The following AKAP6 variants were observed in gnomAD, a reference collection of about 807,000 sequenced individuals.
The protein encoded by AKAP6 is A-kinase anchor protein 6.
In AKAP6, 58 loss-of-function variants were observed where a neutral mutation model predicts 188.5. The ratio of observed to expected loss-of-function variants is 0.31; its 90% CI spans 0.25 to 0.38. AKAP6 has a LOEUF of 0.38. Ranked by LOEUF, AKAP6 falls within the 10% of genes least tolerant of loss-of-function variation. AKAP6 has a pLI of 1.00. For synonymous variants in AKAP6, 989 were observed against 998.6 expected, an observed-to-expected ratio of 0.99 and a Z score of 0.18; for missense variants, 2,710 against 2,740.0, an observed-to-expected ratio of 0.99 and a Z score of 0.24.
intron 4 of AKAP6, among the ~76,000 whole-genome samples, chr14:32,576,123 C>T (rs942169575): frequency 7.9e-5 from 12 of 152,078 alleles, no homozygotes; most frequent in Non-Finnish European, 1.6e-4. Flanking sequence ...TACCTCTTTC[C>T]ACTTCAGTGT....
intron 1 of AKAP6, among the ~76,000 whole-genome samples, chr14:32,398,843 T>TA (rs1888973849): frequency 1.7e-5 from 2 of 120,400 alleles, no homozygotes; most frequent in Admixed American, 8.9e-5. Flanking sequence ...TCTTTCTTCC[T>TA]GTTTTTTTTT....
chr14:32,550,340 G>T (rs757299912), intron 4 of AKAP6, among the ~76,000 whole-genome samples: 9 of 152,168 alleles, frequency 5.9e-5, no homozygotes, highest in Non-Finnish European at 8.8e-5. Flanking sequence ...CTTTTAAGAA[G>T]AAATGGTTTA....
At chr14:32,699,792 A>G (rs1033872538) in intron 9 of AKAP6, among the ~76,000 whole-genome samples, 1 of 151,914 alleles carries the variant, frequency 6.6e-6, no homozygotes, top group Non-Finnish European at 1.5e-5. Flanking sequence ...ATTTGCACCC[A>G]CTCTCTCACT....
chr14:32,741,018 CTTTTTT>C (rs765988445), intron 11 of AKAP6, among the ~76,000 whole-genome samples: 1 of 136,748 alleles, frequency 7.3e-6, no homozygotes, highest in Admixed American at 7.2e-5. Flanking sequence ...TTCCTTTTTT[CTTTTTT>C]TTTTTTTGTG....
chr14:32,835,118 C>T lies in AKAP6; in HGVS notation c.*5313C>T, dbSNP rs1484948069. 1 of 152,162 alleles carries T rather than the reference C, an allele frequency of 6.6e-6. No homozygotes were observed. The highest frequency in any genetic ancestry group is 1.5e-5 in the Non-Finnish European group (1 of 68,022). The allele number at this position is 152,162 out of a possible 1,614,324, so 9.4% of individuals were successfully genotyped here. A position where few individuals can be genotyped will look rare whatever the true frequency, so the allele number is the denominator to read the frequency against. On this transcript the variant is annotated 3_prime_UTR_variant, in exon 14 of 14. Coordinates refer to ENST00000280979, the MANE Select transcript of AKAP6 (RefSeq NM_004274.5). The stretch of plus-strand genomic sequence containing the variant: ...CGTACTTGCAACAAAAGCCATATGG[C>T]CTGCAAAACCTAAAACATTTACTAT...
At chr14:32,714,494 C>A (rs867486111) in intron 9 of AKAP6, among the ~76,000 whole-genome samples, 1 of 151,902 alleles carries the variant, frequency 6.6e-6, no homozygotes, top group Non-Finnish European at 1.5e-5. Context: ...GCTTTTGGTT[C>A]ATTTCAGACC....
rs765006220 is a variant in AKAP6, at chr14:32,824,050, C to G, written c.6237C>G (p.Asn2079Lys). The G allele has an allele frequency of 6.2e-7, 1 of 1,613,870 alleles. No homozygotes were observed. The highest frequency in any genetic ancestry group is 1.7e-5 in the Admixed American group (1 of 59,926). Residue 2079 changes from asparagine to lysine, a missense_variant, in exon 13 of 14, where the codon AAC (asparagine) becomes AAG (lysine). Asn to Lys is a moderately conservative substitution (Grantham distance 94, BLOSUM62 0). This residue lies in a region of AKAP6 where 2,473 missense variants were observed against 2,426.1 expected (regional missense o/e 1.02). Coordinates refer to ENST00000280979, the MANE Select transcript of AKAP6 (RefSeq NM_004274.5). ...TALKSKSQPENEVAAPTSLTQ... is the reference protein window; with the variant it reads ...TALKSKSQPEKEVAAPTSLTQ... ...TAAAAAGTAAATCTCAACCTGAAAA[C>G]GAGGTGGCTGCTCCTACTTCATTAA...
At chr14:32,790,046 A>G (rs897672033) in intron 12 of AKAP6, among the ~76,000 whole-genome samples, 30 of 152,260 alleles carry the variant, frequency 2.0e-4, no homozygotes, top group Admixed American at 1.3e-4. Context: ...ATGGAGCTGA[A>G]AAACACAACA....
At chr14:32,756,292 G>A (rs1453732520) in intron 11 of AKAP6, among the ~76,000 whole-genome samples, 1 of 152,184 alleles carries the variant, frequency 6.6e-6, no homozygotes, top group African/African-American at 2.4e-5. Context: ...GTGGGGGCTG[G>A]CCTAACACTG....
rs1253400091 is a variant in AKAP6, at chr14:32,508,233, T to C, written c.325-27321T>C. Among the ~76,000 whole-genome samples the C allele has an allele frequency of 2.0e-5, 3 of 152,158 alleles. No individual in the cohort carries two copies. The East Asian group carries it at 5.8e-4, about 29-fold the overall frequency. ...ATAATGAAAGAGGGAATTCATCACA[T>C]AGTGAAAGAGGTAATTATTGGTATT... On this transcript the variant is annotated intron_variant, in intron 2 of 13. Transcript: ENST00000280979.
chr14:32,732,545 C>A lies in AKAP6; in HGVS notation c.3092C>A (p.Pro1031Gln), dbSNP rs896618467. Reference sequence around the variant, plus strand: ...TTGAAGAAAGGTGGCGTTTTACTACCAAATGATCTCCTTGAAAAAGTGGAT... The same window carrying A: ...TTGAAGAAAGGTGGCGTTTTACTACAAAATGATCTCCTTGAAAAAGTGGAT... ...EALKKGGVLL[P>Q]NDLLEKVDSI... The change falls in exon 10 of 14, where the codon CCA becomes CAA. Residue 1031 changes from proline to glutamine, a missense_variant. Around this residue, in one of 2 missense-constraint regions of AKAP6, gnomAD observed 2,473 missense variants for 2,426.1 expected, o/e 1.02. Transcript: ENST00000280979. 1 of 1,613,430 alleles carries A rather than the reference C, an allele frequency of 6.2e-7. No individual in the cohort carries two copies. The highest frequency in any genetic ancestry group is 1.3e-5 in the African/African-American group (1 of 74,862).
Position 32,709,733 on chromosome 14 carries a change from C to A in AKAP6, c.3000+13623C>A, listed in dbSNP as rs777680770. Reference sequence around the variant, plus strand: ...CCCTTTCCTGAAAGTCTTCTTATTTCTAGTGTAAATCCTCTCTGTTGGTGG... The same window carrying A: ...CCCTTTCCTGAAAGTCTTCTTATTTATAGTGTAAATCCTCTCTGTTGGTGG... On this transcript the variant is annotated intron_variant, in intron 9 of 13. Coordinates refer to ENST00000280979, the MANE Select transcript of AKAP6 (RefSeq NM_004274.5). Among the ~76,000 whole-genome samples the A allele has an allele frequency of 3.3e-5, 5 of 151,990 alleles. No individual in the cohort carries two copies. The South Asian group carries it at 1.0e-3, about 31-fold the overall frequency.
At chr14:32,402,470 C>A (rs1382891294) in intron 1 of AKAP6, among the ~76,000 whole-genome samples, 1 of 152,062 alleles carries the variant, frequency 6.6e-6, no homozygotes, top group African/African-American at 2.4e-5. Flanking sequence ...ACTTTCTTTC[C>A]AATCCTAATA....
At chr14:32,454,865 C>T (rs867913530) in intron 2 of AKAP6, among the ~76,000 whole-genome samples, 22 of 34,484 alleles carry the variant, frequency 6.4e-4, no homozygotes, top group African/African-American at 1.7e-3. Flanking sequence ...CCCTCCCTCC[C>T]TCCCTCCCTC....
rs1412699007 is a variant in AKAP6 at position 32,428,162 on chromosome 14, T to C, written c.-34-5298T>C. Among the ~76,000 whole-genome samples the C allele has an allele frequency of 2.0e-5, 3 of 152,176 alleles. No homozygotes were observed. The East Asian group carries it at 5.8e-4, about 29-fold the overall frequency. On this transcript the variant is annotated intron_variant, in intron 1 of 13. Transcript: ENST00000280979. Reference sequence around the variant, plus strand: ...TTAATTTATCCTGCTTTAAGATTGCTGGGGTTTTTGAGAGTAAAGTCTTGA... The same window carrying C: ...TTAATTTATCCTGCTTTAAGATTGCCGGGGTTTTTGAGAGTAAAGTCTTGA...
intron 12 of AKAP6, among the ~76,000 whole-genome samples, chr14:32,798,026 A>C (rs2033826698): frequency 6.6e-6 from 1 of 152,138 alleles, no homozygotes; most frequent in Non-Finnish European, 1.5e-5. Context: ...CAGAATCTAG[A>C]AGGAACTTAA....
chr14:32,631,085 A>G (rs959134704), intron 7 of AKAP6, among the ~76,000 whole-genome samples: 3 of 152,052 alleles, frequency 2.0e-5, no homozygotes, highest in Non-Finnish European at 2.9e-5. Context: ...TTATTAAGAA[A>G]TATACTTTCC....
At position 32,545,648 on chromosome 14, in the gene AKAP6, C is replaced by T; in HGVS notation, c.995C>T (p.Ala332Val). 6.2e-7 allele frequency: 1 copy of T among 1,614,162 alleles called. No individual in the cohort carries two copies. Among genetic ancestry groups the T allele is most frequent in the Non-Finnish European group, 8.5e-7 (1 of 1,180,018 alleles). The change falls in exon 4 of 14, where the codon GCT becomes GTT. Residue 332 changes from alanine to valine, a missense_variant. Around this residue, in one of 2 missense-constraint regions of AKAP6, gnomAD observed 2,473 missense variants for 2,426.1 expected, o/e 1.02. Transcript: ENST00000280979. ...TLGVSSSSGE[A>V]LTNAAQPSSE... is the part of the protein sequence containing the mutation. ...GGGGTGTCATCATCTTCAGGAGAAG[C>T]TCTGACAAATGCTGCTCAACCCTCC...
chr14:32,593,207 C>G (rs1424032182), intron 5 of AKAP6, among the ~76,000 whole-genome samples: 5 of 152,188 alleles, frequency 3.3e-5, no homozygotes, highest in Non-Finnish European at 5.9e-5. Flanking sequence ...TCGAGTTGAC[C>G]TGGCAAGGGA....
Sources: allele counts gnomAD v4.1 joint callset (sites outside exome capture counted in the v4.1 genomes callset), GRCh38; gene constraint gnomAD v4.1.1; regional missense constraint gnomAD v4.1.1; transcripts MANE v1.5; gene names NCBI Gene and HGNC (gene_info 2026-07-23, HGNC 2026-07-21).